The following TGFA variants were observed in gnomAD, a reference collection of about 807,000 sequenced individuals.
The protein encoded by TGFA is protransforming growth factor alpha.
A neutral mutation model predicts 21.7 loss-of-function variants in TGFA; 12 were observed. The observed-to-expected ratio is 0.55, with a 90% CI of 0.35 to 0.90. TGFA has a LOEUF of 0.90. Ranked by LOEUF, TGFA falls within the 40% of genes least tolerant of loss-of-function variation. The pLI, the probability that TGFA is intolerant of heterozygous loss-of-function variation, is 0.01. For synonymous variants in TGFA, 79 were observed against 88.1 expected (o/e 0.90, Z 0.58); for missense variants, 178 against 210.8 (o/e 0.84, Z 0.96).
intron 2 of TGFA, among the ~76,000 whole-genome samples, chr2:70,493,718 G>A (rs1473538118): frequency 6.6e-6 from 1 of 152,110 alleles, no homozygotes; most frequent in African/African-American, 2.4e-5. Context: ...ACCTAATGAT[G>A]GTTAACAAAT....
intron 1 of TGFA, among the ~76,000 whole-genome samples, chr2:70,538,693 G>A (rs1440877682): frequency 6.6e-6 from 1 of 152,176 alleles, no homozygotes; most frequent in Non-Finnish European, 1.5e-5. Context: ...TATTTCTTCT[G>A]GATGAACAAA....
chr2:70,523,300 G>C (rs1672533390), intron 1 of TGFA, among the ~76,000 whole-genome samples: 1 of 152,182 alleles, frequency 6.6e-6, no homozygotes, highest in African/African-American at 2.4e-5. Context: ...TAAGACAGAG[G>C]AGTGAACGCT....
chr2:70,537,992 A>C (rs1673022821), intron 1 of TGFA, among the ~76,000 whole-genome samples: 1 of 152,230 alleles, frequency 6.6e-6, no homozygotes. Flanking sequence ...GTTAGGGGCT[A>C]ATGCAGCTGG....
chr2:70,521,172 A>G (rs1553502195), intron 1 of TGFA, among the ~76,000 whole-genome samples: 1 of 152,044 alleles, frequency 6.6e-6, no homozygotes, highest in Admixed American at 6.5e-5. Context: ...TAAGCTCTCC[A>G]TGGGCTCTGT....
At chr2:70,523,130 A>G (rs1488896827) in intron 1 of TGFA, among the ~76,000 whole-genome samples, 1 of 152,190 alleles carries the variant, frequency 6.6e-6, no homozygotes, top group Non-Finnish European at 1.5e-5. Context: ...TGGCCTGTCA[A>G]GTGGATCCTG....
intron 1 of TGFA, among the ~76,000 whole-genome samples, chr2:70,544,941 T>C (rs1254968458): frequency 6.6e-6 from 1 of 152,076 alleles, no homozygotes; most frequent in Non-Finnish European, 1.5e-5. Flanking sequence ...GAATAAGATC[T>C]AGTATTTGAT....
chr2:70,535,001 C>T (rs1672928923), intron 1 of TGFA, among the ~76,000 whole-genome samples: 1 of 151,660 alleles, frequency 6.6e-6, no homozygotes, highest in African/African-American at 2.4e-5. Context: ...GCAGAGGGAA[C>T]TTGGGCAAGT....
intron 1 of TGFA, chr2:70,553,230 G>T (rs1553507108): frequency 6.5e-6 from 10 of 1,536,170 alleles, no homozygotes; most frequent in East Asian, 4.9e-5. Flanking sequence ...CGCCTCTGCC[G>T]ATCTTGAACA....
intron 1 of TGFA, among the ~76,000 whole-genome samples, chr2:70,517,088 C>T (rs1553501680): frequency 6.6e-6 from 1 of 152,230 alleles, no homozygotes; most frequent in Non-Finnish European, 1.5e-5. Flanking sequence ...GCCTGCTCCC[C>T]AGCCTTGGGG....
At chr2:70,540,576 G>A (rs1266477866) in intron 1 of TGFA, among the ~76,000 whole-genome samples, 1 of 152,162 alleles carries the variant, frequency 6.6e-6, no homozygotes, top group Non-Finnish European at 1.5e-5. Context: ...CTACATAAAT[G>A]TATGAGGGGA....
chr2:70,489,708 C>T (rs1553497219), intron 2 of TGFA, among the ~76,000 whole-genome samples: 2 of 152,220 alleles, frequency 1.3e-5, no homozygotes, highest in African/African-American at 4.8e-5. Context: ...ACTGTGTCTA[C>T]CATGTAGGGT....
chr2:70,514,161 AT>A (rs1425925071), intron 2 of TGFA, among the ~76,000 whole-genome samples: 6 of 152,186 alleles, frequency 3.9e-5, no homozygotes, highest in African/African-American at 1.4e-4. Flanking sequence ...AAGAGAAGAG[AT>A]TTCAAGACTT....
intron 2 of TGFA, among the ~76,000 whole-genome samples, chr2:70,486,832 G>A (rs142471687): frequency 4.0e-5 from 6 of 151,790 alleles, no homozygotes; most frequent in African/African-American, 9.7e-5. Flanking sequence ...GCACGATCTC[G>A]GCTCACTGCA....
At chr2:70,548,318 C>A (rs1490479889) in intron 1 of TGFA, among the ~76,000 whole-genome samples, 2 of 152,118 alleles carry the variant, frequency 1.3e-5, no homozygotes, top group Non-Finnish European at 2.9e-5. Context: ...AAGAAGCCCT[C>A]AAACTGATAG....
In TGFA at chr2:70,449,695, C is replaced by T. The variant is rs782104537; in HGVS notation, c.*1164G>A. On this transcript the variant is annotated 3_prime_UTR_variant, in exon 6 of 6. Coordinates refer to ENST00000295400, the MANE Select transcript of TGFA (RefSeq NM_003236.4). ...CTCGAAAATAAATAGCAAAGTTAAACTTCTCCTTTTAAAAATAAAGCAACA... is the reference window on the plus strand; with the variant it reads ...CTCGAAAATAAATAGCAAAGTTAAATTTCTCCTTTTAAAAATAAAGCAACA... 1.7e-5 allele frequency: 3 copies of T among 178,972 alleles called. No homozygotes were observed. Among genetic ancestry groups the T allele is most frequent in the Non-Finnish European group, 3.7e-5 (3 of 80,070 alleles). 11.1% of individuals were successfully genotyped at this position (178,972 alleles called of 1,614,324 possible).
rs115338387 is a variant in TGFA at position 70,479,451 on chromosome 2, G to T, written c.95-13715C>A. On this transcript the variant is annotated intron_variant, in intron 2 of 5. Coordinates refer to ENST00000295400, the MANE Select transcript of TGFA (RefSeq NM_003236.4). Reference sequence around the variant, plus strand: ...AACCTGCTTTTATTTTCACTTCAGTGCTTATAAGACCTTTTCTTTGCAATG... The same window carrying T: ...AACCTGCTTTTATTTTCACTTCAGTTCTTATAAGACCTTTTCTTTGCAATG... Among the ~76,000 whole-genome samples the T allele has an allele frequency of 9.7e-4, 147 of 152,172 alleles. 1 individual carries two copies. The highest frequency in any genetic ancestry group is 3.3e-3 in the African/African-American group (138 of 41,528).
chr2:70,461,983 T>C (rs1188528162), intron 3 of TGFA, among the ~76,000 whole-genome samples: 4 of 152,224 alleles, frequency 2.6e-5, no homozygotes, highest in African/African-American at 9.6e-5. Flanking sequence ...ACCTAAAGAC[T>C]GTTGTTCTTA....
intron 2 of TGFA, among the ~76,000 whole-genome samples, chr2:70,480,629 C>A (rs193097103): frequency 1.3e-5 from 2 of 152,168 alleles, no homozygotes; most frequent in East Asian, 3.9e-4. Context: ...TGCCTCGCCA[C>A]CCCCACCAAC....
intron 2 of TGFA, 107 bp downstream of exon 2, chr2:70,514,752 G>T: frequency 8.3e-7 from 1 of 1,202,412 alleles, no homozygotes; most frequent in Non-Finnish European, 1.2e-6. Flanking sequence ...GGACAGGCGT[G>T]TGCTCGGTGG....
Sources: gnomAD v4.1 joint callset for allele counts (sites outside exome capture counted in the v4.1 genomes callset) on GRCh38, gnomAD v4.1.1 for gene constraint, MANE v1.5 for transcripts, NCBI Gene and HGNC (gene_info 2026-07-23, HGNC 2026-07-21) for gene names.